Variants in SHOC1 observed in about 807,000 individuals in gnomAD.
SHOC1 encodes protein shortage in chiasmata 1 ortholog.
Under a neutral mutation model 179.2 loss-of-function variants are expected in SHOC1, and 136 were observed. The ratio of observed to expected loss-of-function variants is 0.76; its 90% CI spans 0.66 to 0.87. The LOEUF (loss-of-function observed/expected upper bound fraction) is 0.87. SHOC1 is among the 40% of genes least tolerant of loss of function. The pLI, the probability that SHOC1 is intolerant of heterozygous loss-of-function variation, is 0.00. For synonymous variants in SHOC1, 489 were observed against 586.6 expected (o/e 0.83, Z 2.41); for missense variants, 1,538 against 1,700.8 (o/e 0.90, Z 1.68).
intron 13 of SHOC1, among the ~76,000 whole-genome samples, chr9:111,725,415 A>C (rs1833254135): frequency 6.6e-6 from 1 of 152,214 alleles, no homozygotes; most frequent in Non-Finnish European, 1.5e-5. Flanking sequence ...TTTGAGAGTC[A>C]AATGAGCTTG....
At chr9:111,719,180 A>G (rs571330319) in intron 15 of SHOC1, among the ~76,000 whole-genome samples, 1 of 152,296 alleles carries the variant, frequency 6.6e-6, no homozygotes, top group South Asian at 2.1e-4. Flanking sequence ...TATTTGGGGA[A>G]CTGGAAATGT....
At chr9:111,790,170 C>T (rs17797209) in intron 2 of SHOC1, among the ~76,000 whole-genome samples, 28,682 of 152,188 alleles carry the variant, frequency 0.19, 2,903 homozygotes, top group Non-Finnish European at 0.22. Flanking sequence ...ATTGTAAAAC[C>T]TGTAAAATAA....
chr9:111,768,193 G>C (rs1283315911), intron 5 of SHOC1, among the ~76,000 whole-genome samples: 1 of 150,656 alleles, frequency 6.6e-6, no homozygotes, highest in East Asian at 1.9e-4. Flanking sequence ...GTTCACTGTT[G>C]GTGTATATAA....
intron 16 of SHOC1, among the ~76,000 whole-genome samples, chr9:111,715,511 T>G (rs999079697): frequency 4.6e-5 from 7 of 152,296 alleles, no homozygotes; most frequent in Non-Finnish European, 8.8e-5. Flanking sequence ...GCCATGAGAA[T>G]TAACCTTTTG....
chr9:111,757,350 C>T (rs1408255467), intron 7 of SHOC1, among the ~76,000 whole-genome samples: 3 of 152,186 alleles, frequency 2.0e-5, no homozygotes, highest in Non-Finnish European at 2.9e-5. Context: ...GATCTGCCCA[C>T]CTCGGCCTCC....
chr9:111,705,510 G>T (rs1426061657), intron 20 of SHOC1, 146 bp from the exon 21 acceptor site: 6 of 421,258 alleles, frequency 1.4e-5, no homozygotes. Flanking sequence ...ATAAAGACAG[G>T]CTTGAAGAAG....
At chr9:111,759,193 A>C in intron 5 of SHOC1, 1 of 1,613,422 alleles carries the variant, frequency 6.2e-7, no homozygotes, top group Non-Finnish European at 8.5e-7. Flanking sequence ...GCAAAATTTT[A>C]AAGAAATAGA....
intron 18 of SHOC1, among the ~76,000 whole-genome samples, chr9:111,712,372 G>A (rs1832589441): frequency 6.6e-6 from 1 of 152,154 alleles, no homozygotes; most frequent in African/African-American, 2.4e-5. Flanking sequence ...TGGCAATATG[G>A]CACAGCCTCA....
At position 111,731,963 on chromosome 9, in the gene SHOC1, A is replaced by G. The variant is rs974368133; in HGVS notation, c.1418-3914T>C. On this transcript the variant is annotated intron_variant, in intron 12 of 27. Transcript: ENST00000682961. ...CACAATTATCTGTGAAGCACAATAA[A>G]GTGAAGTACAATAAAATGAGATGAG... is the stretch of plus-strand genomic sequence containing the variant. Among the ~76,000 whole-genome samples, 3 of 152,186 alleles carry G rather than the reference A, an allele frequency of 2.0e-5. No individual in the cohort carries two copies. The South Asian group carries it at 6.2e-4, about 31-fold the overall frequency.
At chr9:111,693,227 A>G (rs1036393038) in intron 26 of SHOC1, among the ~76,000 whole-genome samples, 4 of 151,748 alleles carry the variant, frequency 2.6e-5, no homozygotes, top group African/African-American at 9.7e-5. Flanking sequence ...AATTGCTTGA[A>G]CCCAGGAGCT....
chr9:111,759,068 G>T, intron 5 of SHOC1: 1 of 1,379,378 alleles, frequency 7.2e-7, no homozygotes, highest in African/African-American at 1.4e-5. Context: ...GGACACCGAG[G>T]AATAGCCAAA....
chr9:111,728,509 A>G (rs916676382), intron 12 of SHOC1, among the ~76,000 whole-genome samples: 1 of 152,268 alleles, frequency 6.6e-6, no homozygotes, highest in African/African-American at 2.4e-5. Context: ...CTTGAACAAT[A>G]GTTCACATAA....
At chr9:111,694,039 A>G (rs1358098667) in intron 25 of SHOC1, 91 bp from the exon 26 acceptor site, 1 of 891,786 alleles carries the variant, frequency 1.1e-6, no homozygotes, top group Non-Finnish European at 1.6e-6. Context: ...CCTAGAAAAG[A>G]GTTTAATAGT....
chr9:111,734,334 T>C (rs977640655), intron 12 of SHOC1, among the ~76,000 whole-genome samples: 10 of 152,212 alleles, frequency 6.6e-5, no homozygotes, highest in Admixed American at 5.2e-4. Context: ...CATAGTTTTA[T>C]AGATTTAATA....
chr9:111,765,643 G>C (rs1170399986), intron 5 of SHOC1, among the ~76,000 whole-genome samples: 1 of 151,932 alleles, frequency 6.6e-6, no homozygotes, highest in African/African-American at 2.4e-5. Flanking sequence ...TATTTTCAGG[G>C]ACCCAAGTTC....
At chr9:111,779,584 A>C (rs1835960202) in intron 4 of SHOC1, among the ~76,000 whole-genome samples, 1 of 152,098 alleles carries the variant, frequency 6.6e-6, no homozygotes, top group Non-Finnish European at 1.5e-5. Flanking sequence ...CTCAATTCCT[A>C]CTTCTGTGAA....
chr9:111,782,235 T>G (rs1026928682), intron 3 of SHOC1, among the ~76,000 whole-genome samples: 4 of 151,994 alleles, frequency 2.6e-5, no homozygotes, highest in African/African-American at 9.7e-5. Context: ...AAAAAAAGTT[T>G]AGTGGTTAAG....
rs114996286 is a variant in SHOC1, at chr9:111,701,080, T to C, written c.3089+1025A>G. Among the ~76,000 whole-genome samples the C allele has an allele frequency of 5.3e-3, 804 of 152,278 alleles. 10 individuals carry two copies. Among genetic ancestry groups the C allele is most frequent in the African/African-American group, 0.019 (779 of 41,570 alleles). The stretch of plus-strand genomic sequence containing the variant: ...GGCTTTGTATTGTAACTTTGCACCA[T>C]AATAAATCATAGCCATGAATACAGC... On this transcript the variant is annotated intron_variant, in intron 23 of 27. Coordinates refer to ENST00000682961, the MANE Select transcript of SHOC1 (RefSeq NM_001378211.1).
At chr9:111,761,592 A>G (rs938270358) in intron 5 of SHOC1, among the ~76,000 whole-genome samples, 1 of 152,232 alleles carries the variant, frequency 6.6e-6, no homozygotes, top group Non-Finnish European at 1.5e-5. Flanking sequence ...TTTTCTAAGT[A>G]TAAAAGGAAT....
Sources: gnomAD v4.1 joint callset for allele counts (sites outside exome capture counted in the v4.1 genomes callset) on GRCh38, gnomAD v4.1.1 for gene constraint, MANE v1.5 for transcripts, NCBI Gene and HGNC (gene_info 2026-07-23, HGNC 2026-07-21) for gene names.